Variants in HEPACAM2 observed in about 807,000 individuals in gnomAD.
The protein encoded by HEPACAM2 is mitotic kinetics regulator.
In HEPACAM2, 49 loss-of-function variants were observed where a neutral mutation model predicts 49.6. The observed-to-expected ratio is 0.99, with a 90% CI of 0.78 to 1.25. The LOEUF (loss-of-function observed/expected upper bound fraction) is 1.25, where lower values mean the gene tolerates loss of function less well. HEPACAM2 is among the 50% of genes most tolerant of loss of function. HEPACAM2 has a pLI of 0.00. For synonymous variants in HEPACAM2, 197 were observed against 202.9 expected (o/e 0.97, Z 0.25); for missense variants, 525 against 557.2 (o/e 0.94, Z 0.58).
Position 93,192,278 on chromosome 7 carries a change from G to A in HEPACAM2, c.1361C>T (p.Pro454Leu). The A allele has an allele frequency of 6.2e-7, 1 of 1,612,512 alleles. No homozygotes were observed. The highest frequency in any genetic ancestry group is 8.5e-7 in the Non-Finnish European group (1 of 1,178,950). Residue 454 changes from proline (P) to leucine (L), a missense_variant, in exon 9 of 10, where the codon CCT becomes CTT. Transcript: ENST00000394468. ...CTCTGGATGGTCTTGCTGCTGGGCA[G>A]GGATGTGCTGAATAACTTCATACAC... is the stretch of plus-strand genomic sequence containing the variant. ...STVYEVIQHI[P>L]AQQQDHPE
rs778743466 is a variant in HEPACAM2 at position 93,197,280 on chromosome 7, T to G, written c.1164-2A>C. The G allele has an allele frequency of 4.3e-6, 7 of 1,610,772 alleles. No individual in the cohort carries two copies. The highest frequency in any genetic ancestry group is 5.9e-6 in the Non-Finnish European group (7 of 1,178,554). On this transcript the variant is annotated splice_acceptor_variant, in intron 6 of 9. Transcript: ENST00000394468. LOFTEE classifies it high-confidence loss of function. ...GCTTTCCTGTATTCTGTTTCTGGCC[T>G]GAAAAGACAAAATAGGTATTTTTGT...
At chr7:93,191,779 C>T (rs1482503057) in intron 9 of HEPACAM2, among the ~76,000 whole-genome samples, 1 of 151,992 alleles carries the variant, frequency 6.6e-6, no homozygotes, top group Non-Finnish European at 1.5e-5. Context: ...TGGGAATAGG[C>T]TACTTTGAAT....
intron 1 of HEPACAM2, among the ~76,000 whole-genome samples, chr7:93,220,942 G>C (rs1334388877): frequency 6.6e-6 from 1 of 152,108 alleles, no homozygotes; most frequent in Non-Finnish European, 1.5e-5. Context: ...AGGAACATTT[G>C]ACGTAATAGA....
intron 1 of HEPACAM2, among the ~76,000 whole-genome samples, chr7:93,222,103 C>T (rs886540066): frequency 3.3e-5 from 5 of 152,066 alleles, no homozygotes; most frequent in African/African-American, 1.2e-4. Context: ...TTAGTGATGT[C>T]TAAGATATGT....
At chr7:93,200,555 A>G (rs1793856608) in intron 4 of HEPACAM2, among the ~76,000 whole-genome samples, 2 of 152,154 alleles carry the variant, frequency 1.3e-5, no homozygotes, top group African/African-American at 4.8e-5. Flanking sequence ...TAATAAAACA[A>G]GTAAGATCGT....
At chr7:93,207,182 G>A (rs1224545462) in intron 4 of HEPACAM2, among the ~76,000 whole-genome samples, 1 of 152,094 alleles carries the variant, frequency 6.6e-6, no homozygotes, top group East Asian at 1.9e-4. Context: ...AACATATTGA[G>A]TTTCTCTGTA....
intron 4 of HEPACAM2, among the ~76,000 whole-genome samples, chr7:93,198,582 C>T (rs1793794874): frequency 1.3e-5 from 2 of 152,066 alleles, no homozygotes; most frequent in Admixed American, 6.6e-5. Flanking sequence ...GTTTTAACCT[C>T]CAACAAATGA....
At chr7:93,210,726 A>AT (rs1562829546) in intron 3 of HEPACAM2, among the ~76,000 whole-genome samples, 2 of 152,006 alleles carry the variant, frequency 1.3e-5, no homozygotes, top group African/African-American at 2.4e-5. Flanking sequence ...AAAGGTCCTG[A>AT]TTTTTTTAAA....
At chr7:93,195,995 T>A in intron 7 of HEPACAM2, 94 bp from the exon 8 acceptor site, 2 of 839,826 alleles carry the variant, frequency 2.4e-6, no homozygotes, top group Non-Finnish European at 4.0e-6. Flanking sequence ...TTGTCTGTTT[T>A]AAATGGTATA....
chr7:93,211,233 G>A (rs571196466), intron 3 of HEPACAM2, among the ~76,000 whole-genome samples: 1 of 152,160 alleles, frequency 6.6e-6, no homozygotes, highest in African/African-American at 2.4e-5. Flanking sequence ...AACCATATGG[G>A]TTTTTATTAA....
At position 93,215,398 on chromosome 7, in the gene HEPACAM2, T is replaced by C. The variant is rs185525291; in HGVS notation, c.715+3A>G. On this transcript the variant is annotated splice_donor_region_variant and intron_variant, in intron 3 of 9. Coordinates refer to ENST00000394468, the MANE Select transcript of HEPACAM2 (RefSeq NM_001039372.4). ...CTCATGAGTTAAAAAAAAATAAACT[T>C]ACAATATATGATGGGCATAATGATA... 6 of 1,608,706 alleles carry C rather than the reference T, an allele frequency of 3.7e-6. No homozygotes were observed. The highest frequency in any genetic ancestry group is 4.3e-6 in the Non-Finnish European group (5 of 1,176,464).
At chr7:93,229,484 A>G (rs1794590347), upstream of HEPACAM2, among the ~76,000 whole-genome samples, 1 of 152,280 alleles carries the variant, frequency 6.6e-6, no homozygotes, top group Non-Finnish European at 1.5e-5. Context: ...AAGAAATTTT[A>G]TCTTTCTAAT....
At chr7:93,226,317 A>C in intron 1 of HEPACAM2, 51 bp downstream of exon 1, 1 of 1,344,658 alleles carries the variant, frequency 7.4e-7, no homozygotes, top group Non-Finnish European at 1.0e-6. Flanking sequence ...TCCACAATTA[A>C]AAAAAAAAAA....
chr7:93,215,307 G>T, intron 3 of HEPACAM2, 94 bp downstream of exon 3: 1 of 1,181,528 alleles, frequency 8.5e-7, no homozygotes, highest in South Asian at 1.5e-5. Flanking sequence ...AAAGCCAAAT[G>T]ACATCTGGTA....
At chr7:93,220,680 A>G (rs1044856694) in intron 1 of HEPACAM2, among the ~76,000 whole-genome samples, 3 of 152,216 alleles carry the variant, frequency 2.0e-5, no homozygotes, top group African/African-American at 7.2e-5. Flanking sequence ...TGCCCAGTGG[A>G]TAGCCCTGGG....
At chr7:93,191,120 A>G (rs915310698) in intron 9 of HEPACAM2, among the ~76,000 whole-genome samples, 2 of 152,068 alleles carry the variant, frequency 1.3e-5, no homozygotes, top group African/African-American at 4.8e-5. Context: ...AAAGAGAATT[A>G]GGTATCATTT....
At chr7:93,212,813 C>T (rs942229088) in intron 3 of HEPACAM2, among the ~76,000 whole-genome samples, 6 of 152,124 alleles carry the variant, frequency 3.9e-5, no homozygotes, top group Admixed American at 2.0e-4. Flanking sequence ...GTACATTATT[C>T]GAGTGAATGG....
chr7:93,189,925 G>C (rs113373584), intron 9 of HEPACAM2, among the ~76,000 whole-genome samples: 53 of 152,032 alleles, frequency 3.5e-4, no homozygotes, highest in African/African-American at 1.2e-3. Flanking sequence ...ATTGGACCTA[G>C]AGGAGAATAA....
upstream of HEPACAM2, among the ~76,000 whole-genome samples, chr7:93,229,441 A>G (rs1007240320): frequency 1.6e-4 from 24 of 152,190 alleles, no homozygotes; most frequent in Non-Finnish European, 3.4e-4. Context: ...GAGGGGCTGC[A>G]TCTCTCCACT....
Sources: allele counts gnomAD v4.1 joint callset (sites outside exome capture counted in the v4.1 genomes callset), GRCh38; gene constraint gnomAD v4.1.1; transcripts MANE v1.5; gene names NCBI Gene and HGNC (gene_info 2026-07-23, HGNC 2026-07-21).